MALT1: variants seen among roughly 807,000 people sequenced by gnomAD.
The protein encoded by MALT1 is MALT1 paracaspase.
A neutral mutation model predicts 85.5 loss-of-function variants in MALT1; 36 were observed. The ratio of observed to expected loss-of-function variants is 0.42; its 90% confidence interval spans 0.32 to 0.56. The LOEUF is 0.56. MALT1 is among the 20% of genes least tolerant of loss of function. MALT1 has a pLI of 0.10. For missense variants in MALT1, 716 were observed against 981.6 expected (o/e 0.73, Z 3.62); for synonymous variants, 359 against 361.3 (o/e 0.99, Z 0.07).
Position 58,681,345 on chromosome 18 carries a change from T to G in MALT1, c.376+9T>G. The G allele has an allele frequency of 1.9e-6, 3 of 1,610,106 alleles. No individual in the cohort carries two copies. The highest frequency in any genetic ancestry group is 2.5e-6 in the Non-Finnish European group (3 of 1,178,158). On this transcript the variant is annotated intron_variant, in intron 2 of 16. Coordinates refer to ENST00000649217, the MANE Select transcript of MALT1 (RefSeq NM_006785.4). ...GCTTCTCAGCCCCCCAGGTAGGTTT[T>G]GTTCTTAGGATTATTCTCCAGGAGT...
At chr18:58,741,302 T>C (rs994652725) in intron 13 of MALT1, 3 of 152,138 alleles carry the variant, frequency 2.0e-5, no homozygotes, top group African/African-American at 7.2e-5. Context: ...TTTCTTATCT[T>C]TTTTAAAAAA....
intron 16 of MALT1, 112 bp downstream of exon 16, chr18:58,745,903 T>A (rs2055359934): frequency 1.0e-6 from 1 of 959,582 alleles, no homozygotes. Context: ...AGATAACCAG[T>A]CTACAGAAGG....
rs182729575 is a variant in MALT1 at position 58,703,689 on chromosome 18, C to T, written c.649+3098C>T. On this transcript the variant is annotated intron_variant, in intron 4 of 16. Transcript: ENST00000649217. ...GGGGAAACTGCCCCCATGATCCAATCGCTTCCCACCAGGTCCCTCCCTCAA... is the reference window on the plus strand; with the variant it reads ...GGGGAAACTGCCCCCATGATCCAATTGCTTCCCACCAGGTCCCTCCCTCAA... 1.5e-4 allele frequency among the ~76,000 whole-genome samples: 23 copies of T among 152,292 alleles called. No individual in the cohort carries two copies. The East Asian group carries it at 3.5e-3, about 23-fold the overall frequency.
rs1227045298 is a variant in MALT1 at position 58,749,130 on chromosome 18, T to C, written c.*1288T>C. 1.4e-5 allele frequency: 3 copies of C among 217,940 alleles called. No homozygotes were observed. Among genetic ancestry groups the C allele is most frequent in the East Asian group, 1.4e-4 (2 of 14,606 alleles). 13.5% of individuals were successfully genotyped at this position (217,940 alleles called of 1,614,324 possible). ...CATCTAAAAATCAAATAAGCTAATA[T>C]ACAGTCAGTTCTCATTATTCACAGT... On this transcript the variant is annotated 3_prime_UTR_variant, in exon 17 of 17. Coordinates refer to ENST00000649217, the MANE Select transcript of MALT1 (RefSeq NM_006785.4).
chr18:58,708,608 A>G (rs1482998386), intron 4 of MALT1, among the ~76,000 whole-genome samples: 1 of 152,232 alleles, frequency 6.6e-6, no homozygotes, highest in Non-Finnish European at 1.5e-5. Context: ...CCAGAGCAGG[A>G]TATCAAAGCC....
At chr18:58,693,266 C>CA (rs1166061961) in intron 2 of MALT1, among the ~76,000 whole-genome samples, 1 of 152,012 alleles carries the variant, frequency 6.6e-6, no homozygotes, top group African/African-American at 2.4e-5. Context: ...GCAAAAAATA[C>CA]AAAAAATTAG....
chr18:58,679,747 C>G (rs2054292996), intron 1 of MALT1, among the ~76,000 whole-genome samples: 2 of 152,122 alleles, frequency 1.3e-5, no homozygotes, highest in African/African-American at 4.8e-5. Context: ...TGGGGCTTCA[C>G]CATGTTGGCC....
intron 9 of MALT1, among the ~76,000 whole-genome samples, chr18:58,718,228 A>G (rs930144537): frequency 3.3e-5 from 5 of 152,224 alleles, no homozygotes; most frequent in Admixed American, 3.3e-4. Flanking sequence ...TATGCCAGGT[A>G]TTCTTTCTCA....
rs2055399681 is a variant in MALT1 at position 58,748,279 on chromosome 18, G to A, written c.*437G>A. The A allele has an allele frequency of 4.5e-6, 1 of 221,492 alleles. No individual in the cohort carries two copies. Among genetic ancestry groups the A allele is most frequent in the South Asian group, 1.5e-4 (1 of 6,520 alleles). The allele number at this position is 221,492 out of a possible 1,614,324, so 13.7% of individuals were successfully genotyped here. ...CTAAGTTAGAGCTGGCACCAGAACT[G>A]AGACCTCCAGAAATCTATTCCAGTA... On this transcript the variant is annotated 3_prime_UTR_variant, in exon 17 of 17. Transcript: ENST00000649217.
rs570779695 is a variant in MALT1 at position 58,748,170 on chromosome 18, C to A, written c.*328C>A. ...GGAATGGCATTATTGTAGAATAAGT[C>A]ATTGTATTTTTAACACCAGAAAGAA... On this transcript the variant is annotated 3_prime_UTR_variant, in exon 17 of 17. Transcript: ENST00000649217. The A allele has an allele frequency of 3.6e-4, 100 of 281,466 alleles. No individual in the cohort carries two copies. Among genetic ancestry groups the A allele is most frequent in the African/African-American group, 2.1e-3 (95 of 45,578 alleles). The allele number at this position is 281,466 out of a possible 1,614,324, so 17.4% of individuals were successfully genotyped here. A position where few individuals can be genotyped will look rare whatever the true frequency, so the allele number is the denominator to read the frequency against.
chr18:58,684,045 G>T (rs941710428), intron 2 of MALT1, among the ~76,000 whole-genome samples: 1 of 152,084 alleles, frequency 6.6e-6, no homozygotes, highest in African/African-American at 2.4e-5. Context: ...CAATCCTCCC[G>T]CCTCAGCCTC....
At chr18:58,723,354 T>TTAC (rs2055010516) in intron 10 of MALT1, 103 bp downstream of exon 10, 1 of 765,176 alleles carries the variant, frequency 1.3e-6, no homozygotes, top group Non-Finnish European at 2.0e-6. Context: ...GTAAACATGT[T>TTAC]GTTGAATGGA....
intron 13 of MALT1, among the ~76,000 whole-genome samples, chr18:58,739,159 CTT>C (rs2144477849): frequency 6.6e-6 from 1 of 152,196 alleles, no homozygotes; most frequent in South Asian, 2.1e-4. Flanking sequence ...ATTAATCCAA[CTT>C]GAGATAAATC....
At chr18:58,687,094 TC>T (rs916258665) in intron 2 of MALT1, among the ~76,000 whole-genome samples, 1 of 152,174 alleles carries the variant, frequency 6.6e-6, no homozygotes, top group Non-Finnish European at 1.5e-5. Context: ...ATTTTTTTCT[TC>T]TTGCCAACTT....
chr18:58,732,483 G>A (rs1018922318), intron 10 of MALT1, among the ~76,000 whole-genome samples: 1 of 152,006 alleles, frequency 6.6e-6, no homozygotes, highest in East Asian at 1.9e-4. Flanking sequence ...ATAGCAAAAA[G>A]AAAAAATAGC....
Position 58,742,674 on chromosome 18 carries a change from C to T in MALT1, c.1753+660C>T, listed in dbSNP as rs574680563. Among the ~76,000 whole-genome samples, 8 of 152,336 alleles carry T rather than the reference C, an allele frequency of 5.3e-5. No homozygotes were observed. The East Asian group carries it at 1.5e-3, about 29-fold the overall frequency. On this transcript the variant is annotated intron_variant, in intron 14 of 16. Transcript: ENST00000649217. ...AGTGCAGTGAGCAGAGATTGTCCCACTGCACTCCAGTCTGGGCGACAGAGC... is the reference window on the plus strand; with the variant it reads ...AGTGCAGTGAGCAGAGATTGTCCCATTGCACTCCAGTCTGGGCGACAGAGC...
chr18:58,688,939 C>T (rs960910075), intron 2 of MALT1, among the ~76,000 whole-genome samples: 9 of 151,994 alleles, frequency 5.9e-5, no homozygotes, highest in Non-Finnish European at 1.3e-4. Context: ...ATTGCTTGAG[C>T]CCAGGAGCTC....
intron 2 of MALT1, among the ~76,000 whole-genome samples, chr18:58,684,648 G>A (rs2054373624): frequency 1.3e-5 from 2 of 151,508 alleles, no homozygotes; most frequent in Admixed American, 1.3e-4. Context: ...GTTTCTCCAT[G>A]TTGATCAGGC....
chr18:58,736,737 C>CCCAGAA (rs1368896462), intron 13 of MALT1, among the ~76,000 whole-genome samples: 2 of 152,200 alleles, frequency 1.3e-5, no homozygotes, highest in African/African-American at 4.8e-5. Flanking sequence ...ACCATGTCTG[C>CCCAGAA]TTAACCAGAA....
Sources: gnomAD v4.1 joint callset for allele counts (sites outside exome capture counted in the v4.1 genomes callset) on GRCh38, gnomAD v4.1.1 for gene constraint, MANE v1.5 for transcripts, NCBI Gene and HGNC (gene_info 2026-07-23, HGNC 2026-07-21) for gene names.